PLK2: variants seen among roughly 807,000 people sequenced by gnomAD.
The protein encoded by PLK2 is serine/threonine-protein kinase PLK2.
In PLK2, 25 loss-of-function variants were observed where a neutral mutation model predicts 78.1. That is an observed-to-expected ratio of 0.32 (90% CI 0.23 to 0.45). The LOEUF is 0.45. PLK2 is among the 20% of genes least tolerant of loss of function. The pLI, the probability that PLK2 is intolerant of heterozygous loss-of-function variation, is 1.00. For synonymous variants in PLK2, 332 were observed against 298.2 expected, an observed-to-expected ratio of 1.11 and a Z score of -1.17; for missense variants, 566 against 840.2, an observed-to-expected ratio of 0.67 and a Z score of 4.04.
At chr5:58,455,902 A>G (rs748141721) in intron 10 of PLK2, 123 bp from the exon 11 acceptor site, 16 of 1,472,772 alleles carry the variant, frequency 1.1e-5, no homozygotes, top group Non-Finnish European at 1.3e-5. Flanking sequence ...ATTATTTTCC[A>G]ATTCCTGTAA....
rs193171052 is a variant in PLK2, at chr5:58,456,504, G to A, written c.1242C>T (p.His414=). The change falls in exon 9 of 14, where the codon CAC becomes CAT. Residue 414 remains histidine, a synonymous_variant. Coordinates refer to ENST00000274289, the MANE Select transcript of PLK2 (RefSeq NM_006622.4). ...KTSITQQPSK[H]RTDEELQPPT... is the part of the protein sequence containing the mutation. ...TTTCCCAACACACCTCATCTGTCCT[G>A]TGTTTGCTGGGTTGCTGAGTTATTG... 1.2e-6 allele frequency: 2 copies of A among 1,605,898 alleles called. No individual in the cohort carries two copies. The highest frequency in any genetic ancestry group is 4.5e-5 in the East Asian group (2 of 44,818).
At position 58,457,474 on chromosome 5, in the gene PLK2, C is replaced by T; in HGVS notation, c.809+14G>A. 1 of 1,596,424 alleles carries T rather than the reference C, an allele frequency of 6.3e-7. No individual in the cohort carries two copies. The highest frequency in any genetic ancestry group is 8.6e-7 in the Non-Finnish European group (1 of 1,163,910). ...CCGAATTTGCTTTTTAATTATTCTG[C>T]TGCATTTACTTACATTACACAGCCC... is the stretch of plus-strand genomic sequence containing the variant. On this transcript the variant is annotated intron_variant, in intron 6 of 13. Transcript: ENST00000274289.
At chr5:58,459,338 G>C (rs1397542606) in intron 1 of PLK2, 1 of 575,890 alleles carries the variant, frequency 1.7e-6, no homozygotes, top group Non-Finnish European at 3.1e-6. Context: ...TATGGAGGGA[G>C]TTGGAACGGG....
At position 58,456,334 on chromosome 5, in the gene PLK2, C is replaced by T. The variant is rs1324917988; in HGVS notation, c.1254+158G>A. The T allele has an allele frequency of 5.2e-6, 4 of 763,984 alleles. No individual in the cohort carries two copies. In the African/African-American group the frequency reaches 7.1e-5, roughly 13 times the overall value. The allele number at this position is 763,984 out of a possible 1,614,324, so 47.3% of individuals were successfully genotyped here. A position where few individuals can be genotyped will look rare whatever the true frequency, so the allele number is the denominator to read the frequency against. ...TTGCATGCACTGTAAAACTAAAAGACTTCCTTTTAGTTTTAACTTCCCTTT... is the reference window on the plus strand; with the variant it reads ...TTGCATGCACTGTAAAACTAAAAGATTTCCTTTTAGTTTTAACTTCCCTTT... On this transcript the variant is annotated intron_variant, in intron 9 of 13. Transcript: ENST00000274289.
At chr5:58,455,201 T>C (rs1743563045) in intron 12 of PLK2, 84 bp downstream of exon 12, 4 of 1,492,596 alleles carry the variant, frequency 2.7e-6, no homozygotes, top group Non-Finnish European at 3.7e-6. Flanking sequence ...AGAATCTGTT[T>C]CTAACAAGCT....
At position 58,455,778 on chromosome 5, in the gene PLK2, G is replaced by C. The variant is rs756695967; in HGVS notation, c.1386C>G (p.Cys462Trp). The change falls in exon 11 of 14, where the codon TGC (cysteine) becomes TGG (tryptophan). Residue 462 changes from cysteine (C) to tryptophan (W), a missense_variant and splice_region_variant. By Grantham distance (215) the Cys-to-Trp change is radical. This residue lies in a region of PLK2 where 129 missense variants were observed against 156.0 expected (regional missense o/e 0.83). Coordinates refer to ENST00000274289, the MANE Select transcript of PLK2 (RefSeq NM_006622.4). ...CACTTCCCATGGTACTGTCTTCAAG[G>C]CCTGAAAAGTCAGACAGAAATGTTT... is the stretch of plus-strand genomic sequence containing the variant. Reference protein sequence around the residue: ...TLGSCSSSSECLEDSTMGSVA... With the variant: ...TLGSCSSSSEWLEDSTMGSVA... 5 of 1,612,616 alleles carry C rather than the reference G, an allele frequency of 3.1e-6. No homozygotes were observed. The highest frequency in any genetic ancestry group is 3.4e-6 in the Non-Finnish European group (4 of 1,179,894).
chr5:58,455,363 T>C lies in PLK2; in HGVS notation c.1677A>G (p.Thr559=). 1 of 1,613,962 alleles carries C rather than the reference T, an allele frequency of 6.2e-7. No individual in the cohort carries two copies. The highest frequency in any genetic ancestry group is 8.5e-7 in the Non-Finnish European group (1 of 1,179,842). Residue 559 remains threonine (T), a synonymous_variant, in exon 12 of 14, where the codon ACA becomes ACG. Transcript: ENST00000274289. ...ELGQCSVFPA[T]DAPEQFISQV... is the part of the protein sequence containing the mutation. ...GACTAATAAATTGCTCAGGAGCATCTGTTGCTGGGAAAACTGAGCATTGGC... is the reference window on the plus strand; with the variant it reads ...GACTAATAAATTGCTCAGGAGCATCCGTTGCTGGGAAAACTGAGCATTGGC...
intron 12 of PLK2, 112 bp downstream of exon 12, chr5:58,455,173 C>T (rs1424441625): frequency 2.7e-5 from 35 of 1,313,448 alleles, no homozygotes; most frequent in Non-Finnish European, 3.8e-5. Context: ...TGATTCAGTA[C>T]ACCAACGGTA....
chr5:58,455,198 G>T, intron 12 of PLK2, 87 bp downstream of exon 12: 1 of 1,478,778 alleles, frequency 6.8e-7, no homozygotes, highest in Non-Finnish European at 9.3e-7. Context: ...AGGAGAATCT[G>T]TTTCTAACAA....
intron 4 of PLK2, 34 bp from the exon 5 acceptor site, chr5:58,458,205 T>G: frequency 6.8e-7 from 1 of 1,468,300 alleles, no homozygotes; most frequent in Non-Finnish European, 9.5e-7. Flanking sequence ...GTGAATCCCT[T>G]TGAAAATGCG....
chr5:58,459,870 C>T lies in PLK2; in HGVS notation c.90G>A (p.Ser30=), dbSNP rs778496278. Residue 30 remains serine, a synonymous_variant, in exon 1 of 14, where the codon TCG becomes TCA. Transcript: ENST00000274289. ...QALGKGCGAD[S]KKKRPPQPPE... ...GGGGCTGCGGCGGCCGCTTCTTCTT[C>T]GAGTCCGCTCCGCAACCCTTGCCCA... The T allele has an allele frequency of 6.2e-7, 1 of 1,611,534 alleles. No individual in the cohort carries two copies. Among genetic ancestry groups the T allele is most frequent in the East Asian group, 2.2e-5 (1 of 44,852 alleles).
At position 58,456,476 on chromosome 5, in the gene PLK2, C is replaced by G. The variant is rs970075971; in HGVS notation, c.1254+16G>C. On this transcript the variant is annotated intron_variant, in intron 9 of 13. Coordinates refer to ENST00000274289, the MANE Select transcript of PLK2 (RefSeq NM_006622.4). The stretch of plus-strand genomic sequence containing the variant: ...ACGTAAAGCGTGAGTATCTACTTTA[C>G]TCTTTCCCAACACACCTCATCTGTC... The G allele has an allele frequency of 5.3e-6, 8 of 1,506,832 alleles. No homozygotes were observed. The highest frequency in any genetic ancestry group is 1.7e-5 in the Admixed American group (1 of 57,214). 93.3% of individuals were successfully genotyped at this position (1,506,832 alleles called of 1,614,324 possible). A position where few individuals can be genotyped will look rare whatever the true frequency, so the allele number is the denominator to read the frequency against.
rs751260859 is a variant in PLK2, at chr5:58,458,219, T to C, written c.626-48A>G. On this transcript the variant is annotated intron_variant, in intron 4 of 13. Transcript: ENST00000274289. ...TGTGAATCCCTTTGAAAATGCGTTC[T>C]AACCAAGTACACACACATCCACTTT... is the stretch of plus-strand genomic sequence containing the variant. The C allele has an allele frequency of 4.3e-6, 6 of 1,405,626 alleles. No homozygotes were observed. In the Admixed American group the frequency reaches 1.0e-4, roughly 24 times the overall value. 87.1% of individuals were successfully genotyped at this position (1,405,626 alleles called of 1,614,324 possible).
In PLK2 at chr5:58,455,614, C is replaced by A. The variant is rs1429122803; in HGVS notation, c.1550G>T (p.Gly517Val). The change falls in exon 11 of 14, where the codon GGG becomes GTG. Residue 517 changes from glycine (G) to valine (V), a missense_variant. Gly to Val is a moderately radical substitution (Grantham distance 109). Transcript: ENST00000274289. The part of the protein sequence containing the change: ...WVDYSNKYGF[G>V]YQLSDHTVGV... Reference sequence around the variant, plus strand: ...GACGGTGTGGTCTGAGAGCTGGTACCCAAAGCCATATTTGTTAGAGTAATC... The same window carrying A: ...GACGGTGTGGTCTGAGAGCTGGTACACAAAGCCATATTTGTTAGAGTAATC... The A allele has an allele frequency of 3.7e-6, 6 of 1,613,932 alleles. No individual in the cohort carries two copies. Among genetic ancestry groups the A allele is most frequent in the Non-Finnish European group, 5.1e-6 (6 of 1,179,934 alleles).
In PLK2 at chr5:58,458,155, A is replaced by G; in HGVS notation, c.642T>C (p.Asn214=). ...RDLKLGNFFI[N]EAMELKVGDF... is the part of the protein sequence containing the mutation. ...CCCCAACTTTTAGTTCCATGGCTTC[A>G]TTAATAAAAAAGTTCCCTAGACGAT... Residue 214 remains asparagine (N), a synonymous_variant, in exon 5 of 14, where the codon AAT becomes AAC. Transcript: ENST00000274289. The G allele has an allele frequency of 6.2e-7, 1 of 1,612,022 alleles. No homozygotes were observed. The highest frequency in any genetic ancestry group is 8.5e-7 in the Non-Finnish European group (1 of 1,178,186).
In PLK2 at chr5:58,454,520, T is replaced by C. The variant is rs187227699; in HGVS notation, c.*63A>G. On this transcript the variant is annotated 3_prime_UTR_variant, in exon 14 of 14. Coordinates refer to ENST00000274289, the MANE Select transcript of PLK2 (RefSeq NM_006622.4). The stretch of plus-strand genomic sequence containing the variant: ...TTCAACATACTCTAGATCATTCTTT[T>C]GGCTTCCCTGTAGATCTCACAGTGG... The C allele has an allele frequency of 2.6e-4, 290 of 1,118,508 alleles. 2 individuals are homozygous for C. The African/African-American group carries it at 4.1e-3, about 16-fold the overall frequency. The allele number at this position is 1,118,508 out of a possible 1,614,324, so 69.3% of individuals were successfully genotyped here.
intron 5 of PLK2, 91 bp from the exon 6 acceptor site, chr5:58,457,674 T>C (rs1467906278): frequency 4.0e-6 from 3 of 741,098 alleles, no homozygotes; most frequent in East Asian, 5.0e-5. Flanking sequence ...GACAAAATCT[T>C]AAACAAAATC....
intron 1 of PLK2, 87 bp downstream of exon 1, chr5:58,459,603 G>A (rs941545707): frequency 1.7e-6 from 2 of 1,200,710 alleles, no homozygotes; most frequent in Admixed American, 5.8e-5. Flanking sequence ...GAAGCGGCGG[G>A]CGAGGGACCC....
intron 8 of PLK2, 124 bp from the exon 9 acceptor site, chr5:58,456,713 T>C (rs1446879545): frequency 4.2e-6 from 3 of 711,724 alleles, no homozygotes; most frequent in African/African-American, 1.8e-5. Flanking sequence ...AAAAATAGCA[T>C]TTTACCTTTG....
Sources: allele counts gnomAD v4.1 joint callset, GRCh38; gene constraint gnomAD v4.1.1; regional missense constraint gnomAD v4.1.1; transcripts MANE v1.5; gene names NCBI Gene and HGNC (gene_info 2026-07-23, HGNC 2026-07-21).